The following GREM2 variants were observed in gnomAD, a reference collection of about 807,000 sequenced individuals.
The protein encoded by GREM2 is gremlin-2.
Under a neutral mutation model 14.2 loss-of-function variants are expected in GREM2, and 11 were observed. The observed-to-expected ratio is 0.78, with a 90% CI of 0.49 to 1.28. The LOEUF is 1.28. Ranked by LOEUF, GREM2 falls within the 50% of genes most tolerant of loss-of-function variation. The pLI is 0.00. For synonymous variants in GREM2, 98 were observed against 97.6 expected (o/e 1.00, Z -0.02); for missense variants, 210 against 218.5 (o/e 0.96, Z 0.24).
chr1:240,519,838 T>C (rs1039441428), intron 1 of GREM2, among the ~76,000 whole-genome samples: 2 of 152,150 alleles, frequency 1.3e-5, no homozygotes, highest in African/African-American at 4.8e-5. Context: ...CCCAGCACTT[T>C]GGGAGGCCGA....
intron 1 of GREM2, among the ~76,000 whole-genome samples, chr1:240,602,465 A>T (rs758582745): frequency 6.6e-6 from 1 of 152,132 alleles, no homozygotes; most frequent in Non-Finnish European, 1.5e-5. Flanking sequence ...AAGCATTGTG[A>T]TTCTCTGTAA....
chr1:240,608,013 T>G (rs1236697059), intron 1 of GREM2, among the ~76,000 whole-genome samples: 2 of 152,242 alleles, frequency 1.3e-5, no homozygotes, highest in Non-Finnish European at 2.9e-5. Context: ...GATGATTAAT[T>G]GTTATTATCT....
intron 1 of GREM2, among the ~76,000 whole-genome samples, chr1:240,541,760 T>C (rs1678594683): frequency 1.3e-5 from 2 of 152,242 alleles, no homozygotes; most frequent in South Asian, 2.1e-4. Context: ...TGATGCAATG[T>C]ATTCTTTCCA....
At chr1:240,585,569 T>C (rs1315289026) in intron 1 of GREM2, among the ~76,000 whole-genome samples, 2 of 151,196 alleles carry the variant, frequency 1.3e-5, no homozygotes, top group East Asian at 2.0e-4. Context: ...ATCTCTACTA[T>C]ACACACAAAA....
Position 240,492,966 on chromosome 1 carries a change from C to A in GREM2, c.*3G>T, listed in dbSNP as rs779307696. The A allele has an allele frequency of 5.3e-6, 8 of 1,519,116 alleles. No individual in the cohort carries two copies. Among genetic ancestry groups the A allele is most frequent in the Non-Finnish European group, 7.1e-6 (8 of 1,129,862 alleles). The allele number at this position is 1,519,116 out of a possible 1,614,324, so 94.1% of individuals were successfully genotyped here. ...CGGGGCTGAGCTGCGTCCGGCCCGG[C>A]GCTCACTGCTTGTCCGAGTCGCTCA... is the stretch of plus-strand genomic sequence containing the variant. On this transcript the variant is annotated 3_prime_UTR_variant, in exon 2 of 2. Transcript: ENST00000318160.
chr1:240,515,539 C>T (rs2103296456), intron 1 of GREM2, among the ~76,000 whole-genome samples: 1 of 152,216 alleles, frequency 6.6e-6, no homozygotes, highest in East Asian at 1.9e-4. Context: ...TCCTCATTTA[C>T]TCATTTCCTT....
At chr1:240,561,119 T>C (rs189199249) in intron 1 of GREM2, among the ~76,000 whole-genome samples, 22 of 152,272 alleles carry the variant, frequency 1.4e-4, no homozygotes, top group African/African-American at 5.1e-4. Context: ...TCCTAGAGTG[T>C]GGAAATTTTT....
intron 1 of GREM2, among the ~76,000 whole-genome samples, chr1:240,573,144 GA>G (rs770703497): frequency 8.1e-5 from 12 of 149,040 alleles, no homozygotes; most frequent in Non-Finnish European, 1.2e-4. Flanking sequence ...AAATCAATTT[GA>G]AAAAAAAAAT....
At chr1:240,524,633 T>C (rs907793200) in intron 1 of GREM2, among the ~76,000 whole-genome samples, 1 of 152,190 alleles carries the variant, frequency 6.6e-6, no homozygotes, top group Non-Finnish European at 1.5e-5. Context: ...CAGAAAAGCA[T>C]TAGAAGAAGC....
chr1:240,593,377 C>A (rs1386384438), intron 1 of GREM2, among the ~76,000 whole-genome samples: 3 of 151,678 alleles, frequency 2.0e-5, no homozygotes, highest in Non-Finnish European at 4.4e-5. Context: ...TGAGCTCAGG[C>A]CTTCAGATTC....
chr1:240,600,627 G>A (rs2102870535), intron 1 of GREM2, among the ~76,000 whole-genome samples: 1 of 152,158 alleles, frequency 6.6e-6, no homozygotes, highest in East Asian at 1.9e-4. Context: ...GGGATTACAG[G>A]CGCCCACCAC....
intron 1 of GREM2, among the ~76,000 whole-genome samples, chr1:240,608,556 T>C (rs920390499): frequency 6.6e-6 from 1 of 152,208 alleles, no homozygotes; most frequent in Non-Finnish European, 1.5e-5. Context: ...AGAGCCAGGT[T>C]GAATAATATT....
chr1:240,533,905 C>G (rs1000160948), intron 1 of GREM2, among the ~76,000 whole-genome samples: 2 of 152,066 alleles, frequency 1.3e-5, no homozygotes, highest in African/African-American at 2.4e-5. Flanking sequence ...TTTTGAGTTG[C>G]CTGTGACGTT....
At chr1:240,568,265 G>C (rs1679202020) in intron 1 of GREM2, among the ~76,000 whole-genome samples, 1 of 152,096 alleles carries the variant, frequency 6.6e-6, no homozygotes, top group African/African-American at 2.4e-5. Context: ...ATTGCTTGAA[G>C]GTAGTCTGTA....
chr1:240,514,220 C>T (rs1677899550), intron 1 of GREM2, among the ~76,000 whole-genome samples: 1 of 136,022 alleles, frequency 7.4e-6, no homozygotes, highest in African/African-American at 2.7e-5. Context: ...ATACTCCAGC[C>T]TGGGCAACAA....
chr1:240,533,638 C>A (rs916433433), intron 1 of GREM2, among the ~76,000 whole-genome samples: 2 of 152,116 alleles, frequency 1.3e-5, no homozygotes, highest in Admixed American at 1.3e-4. Flanking sequence ...GTACACACAG[C>A]CTCCCACAAA....
intron 1 of GREM2, among the ~76,000 whole-genome samples, chr1:240,604,086 G>GGGCACGA (rs897607781): frequency 6.6e-6 from 1 of 151,664 alleles, no homozygotes; most frequent in African/African-American, 2.4e-5. Context: ...AGGAAGGGAG[G>GGGCACGA]TGCCGGGCTC....
chr1:240,581,719 T>C (rs1231429023), intron 1 of GREM2, among the ~76,000 whole-genome samples: 1 of 152,252 alleles, frequency 6.6e-6, no homozygotes, highest in Admixed American at 6.5e-5. Context: ...TAAGCTTTTC[T>C]ATGCCTGTCA....
Position 240,549,255 on chromosome 1 carries a change from G to A in GREM2, c.-1-55779C>T, listed in dbSNP as rs760533888. Among the ~76,000 whole-genome samples the A allele has an allele frequency of 3.3e-5, 5 of 151,656 alleles. 1 individual carries two copies. Among genetic ancestry groups the A allele is most frequent in the Admixed American group, 6.6e-5 (1 of 15,188 alleles). ...AGAGGCCGAGGCAGGAGAATTGCTT[G>A]AACCTGGGAGGCGGAGGTTGCGGTG... On this transcript the variant is annotated intron_variant, in intron 1 of 1. Coordinates refer to ENST00000318160, the MANE Select transcript of GREM2 (RefSeq NM_022469.4).
Sources: allele counts gnomAD v4.1 joint callset (sites outside exome capture counted in the v4.1 genomes callset), GRCh38; gene constraint gnomAD v4.1.1; transcripts MANE v1.5; gene names NCBI Gene and HGNC (gene_info 2026-07-23, HGNC 2026-07-21).